Variants in PXDNL observed in about 807,000 individuals in gnomAD.
PXDNL encodes probable oxidoreductase PXDNL.
PXDNL carries 145 observed loss-of-function variants against 150.8 expected under a neutral mutation model. The observed-to-expected ratio is 0.96, with a 90% CI of 0.84 to 1.10. The LOEUF (loss-of-function observed/expected upper bound fraction) is 1.10, where lower values mean the gene tolerates loss of function less well. Ranked by LOEUF, PXDNL falls within the 50% of genes least tolerant of loss-of-function variation. The pLI is 0.00. For synonymous variants in PXDNL, 757 were observed against 725.7 expected (o/e 1.04, Z -0.69); for missense variants, 2,087 against 1,873.9 (o/e 1.11, Z -2.10).
chr8:51,320,301 G>T (rs1805278498), intron 22 of PXDNL, among the ~76,000 whole-genome samples: 1 of 152,214 alleles, frequency 6.6e-6, no homozygotes, highest in Admixed American at 6.5e-5. Context: ...TACATGGCTG[G>T]AAAGAATCAG....
At chr8:51,733,448 G>A (rs575278118) in intron 1 of PXDNL, among the ~76,000 whole-genome samples, 1 of 152,222 alleles carries the variant, frequency 6.6e-6, no homozygotes, top group East Asian at 1.9e-4. Context: ...ATTTCTTGGT[G>A]ATTTGTTCTC....
intron 20 of PXDNL, among the ~76,000 whole-genome samples, chr8:51,342,435 G>GA (rs1806015155): frequency 1.3e-5 from 2 of 151,732 alleles, no homozygotes; most frequent in South Asian, 2.1e-4. Flanking sequence ...AAGTTCAGAA[G>GA]AAAAAAATAC....
chr8:51,708,395 T>C (rs1176962314), intron 1 of PXDNL, among the ~76,000 whole-genome samples: 2 of 152,128 alleles, frequency 1.3e-5, no homozygotes, highest in Middle Eastern at 3.2e-3. Flanking sequence ...CTCTGCACAA[T>C]GGAGGTGAAA....
intron 20 of PXDNL, among the ~76,000 whole-genome samples, chr8:51,342,866 G>T (rs1806029894): frequency 7.3e-6 from 1 of 136,400 alleles, no homozygotes. Context: ...CAGCTGGGAT[G>T]CTGATTAAGA....
intron 1 of PXDNL, among the ~76,000 whole-genome samples, chr8:51,659,857 GTATTTATT>G (rs35068146): frequency 0.11 from 15,435 of 145,936 alleles, 1,169 homozygotes; most frequent in East Asian, 0.23. Context: ...ACAAATTGCA[GTATTTATT>G]TATTTATTTA....
intron 1 of PXDNL, among the ~76,000 whole-genome samples, chr8:51,757,267 G>T (rs2037112245): frequency 6.6e-6 from 1 of 152,120 alleles, no homozygotes; most frequent in African/African-American, 2.4e-5. Flanking sequence ...GTGAAAAATT[G>T]CAGTCATTAT....
At chr8:51,503,211 T>A (rs113890036) in intron 4 of PXDNL, among the ~76,000 whole-genome samples, 1 of 152,146 alleles carries the variant, frequency 6.6e-6, no homozygotes, top group Non-Finnish European at 1.5e-5. Flanking sequence ...TGGACTTCAA[T>A]CTAATACACA....
intron 8 of PXDNL, among the ~76,000 whole-genome samples, chr8:51,470,837 A>C (rs984495841): frequency 6.6e-6 from 1 of 152,176 alleles, no homozygotes; most frequent in Admixed American, 6.5e-5. Flanking sequence ...AATTAACTCG[A>C]GATGGATTGA....
intron 1 of PXDNL, among the ~76,000 whole-genome samples, chr8:51,777,856 T>C (rs951346176): frequency 6.6e-6 from 1 of 152,046 alleles, no homozygotes; most frequent in Non-Finnish European, 1.5e-5. Context: ...TGAGACGAGA[T>C]TGTGGCACTG....
At chr8:51,566,760 G>A (rs1405735883) in intron 3 of PXDNL, among the ~76,000 whole-genome samples, 1 of 150,056 alleles carries the variant, frequency 6.7e-6, no homozygotes, top group Admixed American at 6.7e-5. Flanking sequence ...TCAAATTTCT[G>A]TATTGTTTCC....
intron 4 of PXDNL, among the ~76,000 whole-genome samples, chr8:51,527,584 G>C (rs1171291167): frequency 6.6e-6 from 1 of 152,200 alleles, no homozygotes; most frequent in Non-Finnish European, 1.5e-5. Flanking sequence ...ATGGCCCAGG[G>C]CTCAGAACAG....
intron 1 of PXDNL, among the ~76,000 whole-genome samples, chr8:51,773,908 T>C (rs2037325644): frequency 6.6e-6 from 1 of 152,184 alleles, no homozygotes; most frequent in Non-Finnish European, 1.5e-5. Context: ...CTTTCTTTCA[T>C]GAAATACTAG....
intron 4 of PXDNL, among the ~76,000 whole-genome samples, chr8:51,534,198 C>T (rs1184482781): frequency 1.4e-5 from 2 of 139,178 alleles, no homozygotes; most frequent in African/African-American, 6.4e-5. Context: ...AGGTGAGGAG[C>T]GTCTCTGCCC....
intron 2 of PXDNL, among the ~76,000 whole-genome samples, chr8:51,642,719 G>A (rs976360228): frequency 2.0e-5 from 3 of 152,174 alleles, no homozygotes; most frequent in African/African-American, 7.2e-5. Flanking sequence ...AGGAAATAAA[G>A]GGTATTCAAT....
intron 12 of PXDNL, among the ~76,000 whole-genome samples, chr8:51,439,093 C>T (rs1203612392): frequency 6.6e-6 from 1 of 152,116 alleles, no homozygotes; most frequent in Non-Finnish European, 1.5e-5. Context: ...ATTAAAATAA[C>T]AAGCTTCTGC....
At chr8:51,703,740 T>C (rs1024672650) in intron 1 of PXDNL, among the ~76,000 whole-genome samples, 4 of 152,248 alleles carry the variant, frequency 2.6e-5, no homozygotes, top group Non-Finnish European at 4.4e-5. Context: ...TTCTATTTAA[T>C]TTAATGTGTT....
intron 3 of PXDNL, among the ~76,000 whole-genome samples, chr8:51,559,337 C>A (rs962595589): frequency 8.5e-5 from 12 of 141,688 alleles, no homozygotes; most frequent in African/African-American, 4.9e-5. Flanking sequence ...CAAACCCCCC[C>A]CCCCCCCGCC....
rs184933356 is a variant in PXDNL at position 51,680,445 on chromosome 8, T to C, written c.165-25685A>G. Among the ~76,000 whole-genome samples, 151 of 152,322 alleles carry C rather than the reference T, an allele frequency of 9.9e-4. 1 individual carries two copies. The highest frequency in any genetic ancestry group is 3.4e-3 in the African/African-American group (142 of 41,564). On this transcript the variant is annotated intron_variant, in intron 1 of 22. Transcript: ENST00000356297. ...AGTGACAATTTTATAAATGAAGGTGTATTACAGAGAAAAAAATTGTTTCTT... is the reference window on the plus strand; with the variant it reads ...AGTGACAATTTTATAAATGAAGGTGCATTACAGAGAAAAAAATTGTTTCTT...
intron 1 of PXDNL, among the ~76,000 whole-genome samples, chr8:51,756,777 C>G (rs1173452986): frequency 6.6e-6 from 1 of 151,672 alleles, no homozygotes; most frequent in Non-Finnish European, 1.5e-5. Flanking sequence ...TTTTGCCATT[C>G]TAGATAGTTT....
Sources: allele counts gnomAD v4.1 joint callset (sites outside exome capture counted in the v4.1 genomes callset), GRCh38; gene constraint gnomAD v4.1.1; transcripts MANE v1.5; gene names NCBI Gene and HGNC (gene_info 2026-07-23, HGNC 2026-07-21).